Variants in SLC48A1 observed in about 807,000 individuals in gnomAD.
The protein encoded by SLC48A1 is solute carrier family 48 member 1.
SLC48A1 carries 6 observed loss-of-function variants against 14.8 expected under a neutral mutation model. The ratio of observed to expected loss-of-function variants is 0.41; its 90% confidence interval spans 0.22 to 0.80. The LOEUF is 0.80. Among genes scored for constraint, SLC48A1 ranks in the 30% least tolerant of loss-of-function variants. The probability of loss-of-function intolerance (pLI) is 0.34; values close to 1 mark genes in which losing one functional copy is unlikely to be tolerated. For missense variants in SLC48A1, 165 were observed against 204.8 expected (o/e 0.81, Z 1.19); for synonymous variants, 89 against 90.0 (o/e 0.99, Z 0.06).
At chr12:47,770,734 C>T, upstream of SLC48A1, 1 of 443,802 alleles carries the variant, frequency 2.3e-6, no homozygotes. Context: ...CTCCCCCAGC[C>T]CCAAGGGGAG....
intron 2 of SLC48A1, among the ~76,000 whole-genome samples, chr12:47,762,735 C>G (rs1427704015): frequency 1.3e-5 from 2 of 152,226 alleles, no homozygotes; most frequent in African/African-American, 4.8e-5. Context: ...CAGACTCAGG[C>G]AGTCTAACTG....
intron 2 of SLC48A1, among the ~76,000 whole-genome samples, chr12:47,763,794 A>G (rs751912810): frequency 1.4e-4 from 22 of 152,220 alleles, no homozygotes; most frequent in Non-Finnish European, 2.4e-4. Flanking sequence ...TAGGAGGCCA[A>G]TGTGGGCAAG....
intron 2 of SLC48A1, among the ~76,000 whole-genome samples, chr12:47,763,541 C>G (rs2136845876): frequency 6.6e-6 from 1 of 152,246 alleles, no homozygotes; most frequent in Non-Finnish European, 1.5e-5. Context: ...ACTCTACCTC[C>G]TGGCTCTGCA....
chr12:47,760,231 C>T (rs535724403), exon 2 of SLC48A1: 15 of 985,436 alleles, frequency 1.5e-5, no homozygotes, highest in Middle Eastern at 1.0e-3. Flanking sequence ...CTGCTGTGTC[C>T]ACACATTAAG....
intron 2 of SLC48A1, 95 bp from the exon 3 acceptor site, chr12:47,780,050 A>T (rs1184552266): frequency 4.3e-6 from 6 of 1,403,316 alleles, no homozygotes; most frequent in Non-Finnish European, 5.7e-6. Flanking sequence ...CGTTGCAGGG[A>T]TGTTGAGTGG....
chr12:47,756,135 C>T (rs1015857220), upstream of SLC48A1: 1 of 152,226 alleles, frequency 6.6e-6, no homozygotes, highest in East Asian at 1.9e-4. Flanking sequence ...CAACCTTTAC[C>T]CCCACCTTTC....
At chr12:47,755,474 C>A (rs180675816), upstream of SLC48A1, among the ~76,000 whole-genome samples, 14 of 152,290 alleles carry the variant, frequency 9.2e-5, no homozygotes, top group Admixed American at 9.1e-4. Context: ...CAAAGAGAAT[C>A]ATCTCAGACT....
chr12:47,774,554 C>T (rs1034973366), intron 1 of SLC48A1, among the ~76,000 whole-genome samples: 2 of 152,166 alleles, frequency 1.3e-5, no homozygotes, highest in African/African-American at 4.8e-5. Context: ...CTAAAATCCT[C>T]GGCCAAAAGA....
chr12:47,756,829 C>T (rs561589776), upstream of SLC48A1, among the ~76,000 whole-genome samples: 100 of 152,072 alleles, frequency 6.6e-4, no homozygotes, highest in African/African-American at 2.4e-3. Context: ...ATTAGCTGGG[C>T]GTGGTGGCGC....
intron 2 of SLC48A1, among the ~76,000 whole-genome samples, chr12:47,762,301 T>C (rs879331856): frequency 2.0e-5 from 3 of 152,134 alleles, no homozygotes; most frequent in Non-Finnish European, 2.9e-5. Flanking sequence ...TTTGCTGAGC[T>C]CTACACAAGG....
upstream of SLC48A1, among the ~76,000 whole-genome samples, chr12:47,754,766 C>G (rs2136815323): frequency 6.6e-6 from 1 of 152,296 alleles, no homozygotes; most frequent in Non-Finnish European, 1.5e-5. Context: ...CTAGTCATGT[C>G]AGTTTCAGGG....
At chr12:47,771,174 G>T (rs922969866), upstream of SLC48A1, 33 of 282,258 alleles carry the variant, frequency 1.2e-4, no homozygotes, top group Admixed American at 2.7e-4. Flanking sequence ...TTATTCTAGA[G>T]TGAGGCAAAT....
chr12:47,756,877 G>A (rs1942091793), upstream of SLC48A1, among the ~76,000 whole-genome samples: 1 of 151,924 alleles, frequency 6.6e-6, no homozygotes, highest in Non-Finnish European at 1.5e-5. Context: ...GCTGAGGCAG[G>A]AGAATCACTT....
At chr12:47,760,541 T>C in intron 2 of SLC48A1, 1 of 297,262 alleles carries the variant, frequency 3.4e-6, no homozygotes, top group Non-Finnish European at 5.0e-6. Context: ...TTCCTATTCT[T>C]GCTGCCCTTA....
upstream of SLC48A1, chr12:47,770,923 G>T: frequency 2.2e-6 from 1 of 456,544 alleles, no homozygotes; most frequent in Non-Finnish European, 4.4e-6. Context: ...CCACTGCCTG[G>T]AGTACTGTCC....
chr12:47,767,504 T>C (rs977943937), upstream of SLC48A1, among the ~76,000 whole-genome samples: 1 of 152,176 alleles, frequency 6.6e-6, no homozygotes, highest in Admixed American at 6.5e-5. Flanking sequence ...ATTGAGGGGT[T>C]TTCTGGGACG....
At position 47,780,292 on chromosome 12, in the gene SLC48A1, G is replaced by A; in HGVS notation, c.*11G>A. On this transcript the variant is annotated 3_prime_UTR_variant, in exon 3 of 3. Coordinates refer to ENST00000442218, the MANE Select transcript of SLC48A1 (RefSeq NM_017842.3). ...CTCAGCGATTTCTGACCCAGGGGGT[G>A]AGGTCTCTGCACCCTGGGGGGGCCT... 1.2e-6 allele frequency: 2 copies of A among 1,614,210 alleles called. No homozygotes were observed. The highest frequency in any genetic ancestry group is 1.7e-5 in the Admixed American group (1 of 60,028).
At chr12:47,759,910 G>A (rs1012660363) in intron 1 of SLC48A1, among the ~76,000 whole-genome samples, 1 of 152,040 alleles carries the variant, frequency 6.6e-6, no homozygotes, top group Non-Finnish European at 1.5e-5. Flanking sequence ...CCCAATTTTG[G>A]GATGCCAAGC....
chr12:47,754,714 G>A (rs1363721173), upstream of SLC48A1, among the ~76,000 whole-genome samples: 1 of 152,174 alleles, frequency 6.6e-6, no homozygotes, highest in South Asian at 2.1e-4. Flanking sequence ...ATTATTTCAT[G>A]ATGGGCCCTA....
Sources: gnomAD v4.1 joint callset for allele counts (sites outside exome capture counted in the v4.1 genomes callset) on GRCh38, gnomAD v4.1.1 for gene constraint, MANE v1.5 for transcripts, NCBI Gene and HGNC (gene_info 2026-07-23, HGNC 2026-07-21) for gene names.